The following TNKS variants were observed in gnomAD, a reference collection of about 807,000 sequenced individuals.
The protein encoded by TNKS is tankyrase, also known as poly [ADP-ribose] polymerase tankyrase-1.
In TNKS, 72 loss-of-function variants were observed where a neutral mutation model predicts 135.8. The observed-to-expected ratio is 0.53, with a 90% CI of 0.44 to 0.64. The LOEUF (loss-of-function observed/expected upper bound fraction) is 0.64. Ranked by LOEUF, TNKS falls within the 30% of genes least tolerant of loss-of-function variation. The pLI is 0.00. For missense variants in TNKS, 1,769 were observed against 1,674.0 expected (o/e 1.06, Z -0.99); for synonymous variants, 849 against 649.3 (o/e 1.31, Z -4.68).
chr8:9,679,626 A>AG (rs925173765), intron 3 of TNKS: 4 of 252,670 alleles, frequency 1.6e-5, no homozygotes, highest in Admixed American at 1.4e-4. Context: ...AATAGAGAAA[A>AG]GGGGGGAGGG....
rs528605627 is a variant in TNKS, at chr8:9,771,364, G to C, written c.3897+1102G>C. 3.9e-3 allele frequency among the ~76,000 whole-genome samples: 485 copies of C among 125,572 alleles called. 3 individuals are homozygous for C. The highest frequency in any genetic ancestry group is 6.2e-3 in the Non-Finnish European group (371 of 60,122). 82.4% of individuals were successfully genotyped at this position (125,572 alleles called of 152,430 possible). ...GAAGGGAAGCAGGGAGGGAGAGAGA[G>C]AGGAAGGGAGGGAGGGAAAGAGAGA... On this transcript the variant is annotated intron_variant, in intron 26 of 26. Coordinates refer to ENST00000310430, the MANE Select transcript of TNKS (RefSeq NM_003747.3).
intron 3 of TNKS, among the ~76,000 whole-genome samples, chr8:9,675,678 GTTGT>G (rs1416903112): frequency 5.9e-5 from 9 of 152,140 alleles, no homozygotes; most frequent in Non-Finnish European, 1.0e-4. Flanking sequence ...TATTTTTTAA[GTTGT>G]TTGATTGTTA....
intron 3 of TNKS, among the ~76,000 whole-genome samples, chr8:9,672,327 G>C (rs1290789307): frequency 6.6e-6 from 1 of 152,038 alleles, no homozygotes; most frequent in Non-Finnish European, 1.5e-5. Context: ...AATAATGGGG[G>C]CTACTGTACA....
At chr8:9,658,491 A>C (rs1057296817) in intron 3 of TNKS, 5 of 598,912 alleles carry the variant, frequency 8.3e-6, no homozygotes, top group Non-Finnish European at 1.3e-5. Flanking sequence ...ACTAAGCTTC[A>C]TAAGTGAAGG....
chr8:9,643,163 C>G (rs886218672), intron 3 of TNKS, among the ~76,000 whole-genome samples: 1 of 146,280 alleles, frequency 6.8e-6, no homozygotes, highest in African/African-American at 2.5e-5. Context: ...ATAAGAACTT[C>G]GGCAGTGCCA....
At chr8:9,694,589 C>G (rs1198103092) in intron 5 of TNKS, among the ~76,000 whole-genome samples, 3 of 151,958 alleles carry the variant, frequency 2.0e-5, no homozygotes, top group Non-Finnish European at 4.4e-5. Context: ...TGGTGAAACT[C>G]CGCCTCTACT....
chr8:9,558,208 C>T (rs1050024406), intron 1 of TNKS: 2 of 152,126 alleles, frequency 1.3e-5, no homozygotes, highest in Non-Finnish European at 2.9e-5. Context: ...TTAGCAAATG[C>T]TGCTTGTGAT....
At chr8:9,630,746 A>G (rs1244995772) in intron 3 of TNKS, among the ~76,000 whole-genome samples, 1 of 152,260 alleles carries the variant, frequency 6.6e-6, no homozygotes, top group Non-Finnish European at 1.5e-5. Flanking sequence ...CAGAATTGTC[A>G]TTAGGTTTCT....
chr8:9,752,715 T>C, intron 20 of TNKS, 89 bp downstream of exon 20: 3 of 872,028 alleles, frequency 3.4e-6, no homozygotes, highest in Admixed American at 2.3e-5. Flanking sequence ...CCCAACACTT[T>C]GGAATGCTTC....
At chr8:9,616,555 G>A (rs1585235032) in intron 3 of TNKS, among the ~76,000 whole-genome samples, 1 of 152,218 alleles carries the variant, frequency 6.6e-6, no homozygotes, top group East Asian at 1.9e-4. Flanking sequence ...TTTTGTTCTT[G>A]TTTAAGTTTA....
intron 3 of TNKS, chr8:9,670,887 A>G (rs949882871): frequency 6.6e-6 from 1 of 152,210 alleles, no homozygotes. Context: ...AATGTTTACC[A>G]TCATTTCTAA....
intron 3 of TNKS, among the ~76,000 whole-genome samples, chr8:9,646,625 A>T (rs1046588648): frequency 6.6e-6 from 1 of 152,230 alleles, no homozygotes; most frequent in South Asian, 2.1e-4. Flanking sequence ...TCAGAAACTC[A>T]TGGAATCTCA....
intron 5 of TNKS, among the ~76,000 whole-genome samples, chr8:9,700,173 C>G (rs117346027): frequency 2.9e-3 from 444 of 152,266 alleles, no homozygotes; most frequent in Non-Finnish European, 4.7e-3. Flanking sequence ...TGTCCACATC[C>G]ACAGCATTTA....
chr8:9,639,592 G>A (rs1043350158), intron 3 of TNKS, among the ~76,000 whole-genome samples: 3 of 150,116 alleles, frequency 2.0e-5, no homozygotes, highest in Admixed American at 6.7e-5. Context: ...GTAAGAGACT[G>A]TAAAATATAT....
chr8:9,637,526 G>A lies in TNKS; in HGVS notation c.994+21849G>A, dbSNP rs35737265. Among the ~76,000 whole-genome samples the A allele has an allele frequency of 1.1e-3, 171 of 152,240 alleles. 2 individuals are homozygous for A. Among genetic ancestry groups the A allele is most frequent in the Admixed American group, 4.4e-3 (67 of 15,292 alleles). On this transcript the variant is annotated intron_variant, in intron 3 of 26. Transcript: ENST00000310430. ...CTATTACCCTTTTAATGCACTGAGA[G>A]TGAATGATAAATTGCTTATGATGGG...
chr8:9,623,481 C>G (rs1230769333), intron 3 of TNKS, among the ~76,000 whole-genome samples: 2 of 144,030 alleles, frequency 1.4e-5, no homozygotes, highest in Admixed American at 1.4e-4. Flanking sequence ...AAGTTGTGTT[C>G]GTACTATATA....
chr8:9,662,321 A>G (rs1045729834), intron 3 of TNKS, among the ~76,000 whole-genome samples: 18 of 152,188 alleles, frequency 1.2e-4, no homozygotes, highest in Non-Finnish European at 1.8e-4. Flanking sequence ...CACTATTCAC[A>G]ATAGCAAAGA....
chr8:9,683,380 T>G (rs1333251739), intron 5 of TNKS, among the ~76,000 whole-genome samples: 1 of 152,064 alleles, frequency 6.6e-6, no homozygotes, highest in East Asian at 1.9e-4. Context: ...TCAGATTGTG[T>G]ATTAATGAGA....
At chr8:9,592,288 A>G (rs762125368) in intron 2 of TNKS, among the ~76,000 whole-genome samples, 3 of 152,168 alleles carry the variant, frequency 2.0e-5, no homozygotes, top group African/African-American at 4.8e-5. Context: ...TTCTGTTAGC[A>G]TTGTGAACAT....
Sources: allele counts gnomAD v4.1 joint callset (sites outside exome capture counted in the v4.1 genomes callset), GRCh38; gene constraint gnomAD v4.1.1; transcripts MANE v1.5; gene names NCBI Gene and HGNC (gene_info 2026-07-23, HGNC 2026-07-21).